TSPAN13: variants seen among roughly 807,000 people sequenced by gnomAD.
The protein encoded by TSPAN13 is tetraspanin 13.
In TSPAN13, 18 loss-of-function variants were observed where a neutral mutation model predicts 26.9. The ratio of observed to expected loss-of-function variants is 0.67; its 90% CI spans 0.46 to 0.99. The LOEUF (loss-of-function observed/expected upper bound fraction) is 0.99. Among genes scored for constraint, TSPAN13 ranks in the 50% least tolerant of loss-of-function variants. TSPAN13 has a pLI of 0.00. For synonymous variants in TSPAN13, 116 were observed against 98.4 expected (o/e 1.18, Z -1.06); for missense variants, 201 against 249.6 (o/e 0.81, Z 1.31).
At chr7:16,758,807 A>G (rs1784510501) in intron 1 of TSPAN13, among the ~76,000 whole-genome samples, 1 of 150,900 alleles carries the variant, frequency 6.6e-6, no homozygotes, top group Non-Finnish European at 1.5e-5. Flanking sequence ...GGTTTCCTCT[A>G]CCGTTTCTCT....
chr7:16,771,100 C>G (rs1784672688), intron 1 of TSPAN13, among the ~76,000 whole-genome samples: 1 of 152,188 alleles, frequency 6.6e-6, no homozygotes, highest in African/African-American at 2.4e-5. Flanking sequence ...CTGTTCTGAT[C>G]CAGGAACTCC....
chr7:16,774,117 T>G (rs995029765), intron 1 of TSPAN13, among the ~76,000 whole-genome samples: 3 of 152,118 alleles, frequency 2.0e-5, no homozygotes, highest in Non-Finnish European at 4.4e-5. Flanking sequence ...GAACAAAGAT[T>G]AAGGTTTTCT....
chr7:16,773,631 G>A (rs971066756), intron 1 of TSPAN13, among the ~76,000 whole-genome samples: 4 of 152,048 alleles, frequency 2.6e-5, no homozygotes, highest in South Asian at 4.1e-4. Context: ...AGTACTTGTC[G>A]GTGAATAATT....
At chr7:16,769,051 C>T (rs749814116) in intron 1 of TSPAN13, among the ~76,000 whole-genome samples, 5 of 152,094 alleles carry the variant, frequency 3.3e-5, no homozygotes, top group African/African-American at 4.8e-5. Context: ...GTCTCGAACT[C>T]CTGACCTCAA....
chr7:16,773,763 T>G (rs1583793290), intron 1 of TSPAN13, among the ~76,000 whole-genome samples: 1 of 152,226 alleles, frequency 6.6e-6, no homozygotes, highest in African/African-American at 2.4e-5. Context: ...TTAAAGATCT[T>G]AAAGAACTAT....
chr7:16,776,714 T>C (rs1379557910), intron 2 of TSPAN13, among the ~76,000 whole-genome samples: 3 of 152,292 alleles, frequency 2.0e-5, no homozygotes, highest in East Asian at 3.9e-4. Flanking sequence ...AGTGTTTTTT[T>C]TAGACTTAAT....
chr7:16,764,217 TG>T (rs1310015534), intron 1 of TSPAN13, among the ~76,000 whole-genome samples: 1 of 150,630 alleles, frequency 6.6e-6, no homozygotes, highest in African/African-American at 2.4e-5. Context: ...TTAGTAGAGA[TG>T]GGGTTTCACC....
At chr7:16,770,190 T>A (rs1333906863) in intron 1 of TSPAN13, among the ~76,000 whole-genome samples, 4 of 150,618 alleles carry the variant, frequency 2.7e-5, no homozygotes, top group Non-Finnish European at 4.4e-5. Context: ...TTTAATATTT[T>A]TTATTTTATT....
chr7:16,753,966 A>C lies in TSPAN13; in HGVS notation c.-2A>C, dbSNP rs371641422. 2 of 1,612,838 alleles carry C rather than the reference A, an allele frequency of 1.2e-6. No homozygotes were observed. The highest frequency in any genetic ancestry group is 8.5e-7 in the Non-Finnish European group (1 of 1,179,460). ...CAGCTGCCGGCAACCACAGGTTCCA[A>C]GATGGTTTGCGGGGGCTTCGCGTGT... is the stretch of plus-strand genomic sequence containing the variant. On this transcript the variant is annotated 5_prime_UTR_variant, in exon 1 of 6. Transcript: ENST00000262067.
At chr7:16,781,591 G>A (rs3807495) in intron 5 of TSPAN13, among the ~76,000 whole-genome samples, 48,998 of 152,080 alleles carry the variant, frequency 0.32, 8,241 homozygotes, top group Non-Finnish European at 0.38. Context: ...CCCTTTTGGC[G>A]CTTATAGCCA....
At position 16,776,279 on chromosome 7, in the gene TSPAN13, A is replaced by T; in HGVS notation, c.132A>T (p.Arg44=). The change falls in exon 2 of 6, where the codon CGA becomes CGT. Residue 44 remains arginine, a synonymous_variant. Coordinates refer to ENST00000262067, the MANE Select transcript of TSPAN13 (RefSeq NM_014399.4). ...GCTTCGGGCTGATTTCCAGTCTCCGAGTGGTCGGCGTGGTCATTGCAGTGG... is the reference window on the plus strand; with the variant it reads ...GCTTCGGGCTGATTTCCAGTCTCCGTGTGGTCGGCGTGGTCATTGCAGTGG... ...GIGFGLISSL[R]VVGVVIAVGI... The T allele has an allele frequency of 6.2e-7, 1 of 1,613,798 alleles. No homozygotes were observed. Among genetic ancestry groups the T allele is most frequent in the South Asian group, 1.1e-5 (1 of 91,030 alleles).
At chr7:16,756,350 A>G (rs1014200993) in intron 1 of TSPAN13, among the ~76,000 whole-genome samples, 2 of 152,236 alleles carry the variant, frequency 1.3e-5, no homozygotes, top group African/African-American at 4.8e-5. Context: ...GCTCAACGCT[A>G]CAGGATTACA....
chr7:16,777,186 G>A (rs1784761127), intron 3 of TSPAN13, 64 bp downstream of exon 3: 1 of 1,184,294 alleles, frequency 8.4e-7, no homozygotes, highest in East Asian at 2.3e-5. Flanking sequence ...AAAAAAGGAG[G>A]GTAATGATTA....
At chr7:16,776,484 C>G in intron 2 of TSPAN13, 106 bp downstream of exon 2, 3 of 1,067,882 alleles carry the variant, frequency 2.8e-6, no homozygotes, top group East Asian at 2.5e-5. Flanking sequence ...CAACTCCAAG[C>G]AAGCCTTATG....
At position 16,777,060 on chromosome 7, in the gene TSPAN13, C is replaced by G. The variant is rs754793545; in HGVS notation, c.250C>G (p.Leu84Val). The G allele has an allele frequency of 1.2e-6, 2 of 1,611,938 alleles. No homozygotes were observed. Among genetic ancestry groups the G allele is most frequent in the Non-Finnish European group, 8.5e-7 (1 of 1,178,420 alleles). ...CTCTCAGTATATGATTATTCTGTTACTTGTATTTATTGTTCAGTTTTCTGT... is the reference window on the plus strand; with the variant it reads ...CTCTCAGTATATGATTATTCTGTTAGTTGTATTTATTGTTCAGTTTTCTGT... ...LLFFYMIILL[L>V]VFIVQFSVSC... The change falls in exon 3 of 6, where the codon CTT (leucine) becomes GTT (valine). Residue 84 changes from leucine (L) to valine (V), a missense_variant. Transcript: ENST00000262067.
At chr7:16,770,354 C>T (rs1013141815) in intron 1 of TSPAN13, among the ~76,000 whole-genome samples, 4 of 152,048 alleles carry the variant, frequency 2.6e-5, no homozygotes, top group Non-Finnish European at 4.4e-5. Context: ...TACAGGTGCC[C>T]ACCATCACAC....
chr7:16,777,232 C>T, intron 3 of TSPAN13, 110 bp downstream of exon 3: 2 of 746,914 alleles, frequency 2.7e-6, no homozygotes, highest in Non-Finnish European at 4.4e-6. Context: ...CAGAATGCCA[C>T]CTTCACTCTG....
rs3840575 is a variant in TSPAN13, at chr7:16,783,982, T to TA, written c.*491_*492insA. 6.5e-6 allele frequency: 1 copy of TA among 152,844 alleles called. No homozygotes were observed. Among genetic ancestry groups the TA allele is most frequent in the African/African-American group, 2.4e-5 (1 of 41,310 alleles). The allele number at this position is 152,844 out of a possible 1,614,324, so 9.5% of individuals were successfully genotyped here. A position where few individuals can be genotyped will look rare whatever the true frequency, so the allele number is the denominator to read the frequency against. Reference sequence around the variant, plus strand: ...TTTTTTTTGGTCTTTTTAGGAAAGATTGTTGTGGTAAAAAGTGTTAGTATA... The same window carrying TA: ...TTTTTTTTGGTCTTTTTAGGAAAGATATGTTGTGGTAAAAAGTGTTAGTATA... On this transcript the variant is annotated 3_prime_UTR_variant, in exon 6 of 6. Transcript: ENST00000262067.
intron 5 of TSPAN13, among the ~76,000 whole-genome samples, chr7:16,779,563 CCT>C (rs1426327768): frequency 3.3e-5 from 5 of 151,562 alleles, no homozygotes; most frequent in Admixed American, 2.0e-4. Context: ...TTTTCATTCC[CCT>C]GTTCCTAGCC....
Sources: allele counts gnomAD v4.1 joint callset (sites outside exome capture counted in the v4.1 genomes callset), GRCh38; gene constraint gnomAD v4.1.1; transcripts MANE v1.5; gene names NCBI Gene and HGNC (gene_info 2026-07-23, HGNC 2026-07-21).